The following KIF6 variants were observed in gnomAD, a reference collection of about 807,000 sequenced individuals.
The protein encoded by KIF6 is kinesin-like protein KIF6.
Under a neutral mutation model 112.7 loss-of-function variants are expected in KIF6, and 106 were observed. The observed-to-expected ratio is 0.94, with a 90% CI of 0.80 to 1.11. The LOEUF is 1.11. Among genes scored for constraint, KIF6 ranks in the 50% least tolerant of loss-of-function variants. The pLI is 0.00. For synonymous variants in KIF6, 339 were observed against 339.9 expected, an observed-to-expected ratio of 1.00 and a Z score of 0.03; for missense variants, 929 against 964.0, an observed-to-expected ratio of 0.96 and a Z score of 0.48.
chr6:39,615,407 T>C (rs1783462530), intron 5 of KIF6, among the ~76,000 whole-genome samples: 1 of 152,200 alleles, frequency 6.6e-6, no homozygotes, highest in African/African-American at 2.4e-5. Flanking sequence ...GGGCACTAAA[T>C]GTACGTCAGG....
Position 39,695,143 on chromosome 6 carries a change from C to CCT in KIF6, c.251+19547_251+19548dup, listed in dbSNP as rs552421037. Among the ~76,000 whole-genome samples the CCT allele has an allele frequency of 5.3e-5, 8 of 152,192 alleles. No individual in the cohort carries two copies. In the South Asian group the frequency reaches 1.5e-3, roughly 28 times the overall value. ...GAAAAAGAATCAAACTGGACCCCTA[C>CCT]CTCTCACCATATACAAAAATTAACT... On this transcript the variant is annotated intron_variant, in intron 3 of 22. Coordinates refer to ENST00000287152, the MANE Select transcript of KIF6 (RefSeq NM_145027.6).
In KIF6 at chr6:39,419,951, T is replaced by C; in HGVS notation, c.1807A>G (p.Ile603Val). 2 of 1,612,532 alleles carry C rather than the reference T, an allele frequency of 1.2e-6. No homozygotes were observed. Among genetic ancestry groups the C allele is most frequent in the South Asian group, 1.1e-5 (1 of 91,060 alleles). ...GESINEARSK[I>V]GHLKEEITQR... is the part of the protein sequence containing the mutation. ...TCACAGAATATCATCTGCTTACCAA[T>C]TTTACTTCTTGCTTCATTTATACTT... The change falls in exon 15 of 23, where the codon ATT becomes GTT. Residue 603 changes from isoleucine to valine, a missense_variant. By Grantham distance (29) the Ile-to-Val change is conservative. Transcript: ENST00000287152.
At chr6:39,633,223 G>C (rs1784446111) in intron 5 of KIF6, among the ~76,000 whole-genome samples, 1 of 152,082 alleles carries the variant, frequency 6.6e-6, no homozygotes, top group African/African-American at 2.4e-5. Context: ...TGTAGAGGGA[G>C]AAGAACAGAG....
At chr6:39,705,971 G>T (rs1029927249) in intron 3 of KIF6, among the ~76,000 whole-genome samples, 9 of 152,160 alleles carry the variant, frequency 5.9e-5, no homozygotes, top group African/African-American at 2.2e-4. Context: ...CTTAAGAGAT[G>T]TCTCTTCATG....
At chr6:39,698,848 T>C (rs146999682) in intron 3 of KIF6, among the ~76,000 whole-genome samples, 282 of 152,342 alleles carry the variant, frequency 1.9e-3, no homozygotes, top group African/African-American at 6.3e-3. Context: ...ATTCAGTGCA[T>C]GGCTCTATAA....
At chr6:39,568,796 C>T (rs548355704) in intron 10 of KIF6, among the ~76,000 whole-genome samples, 2 of 152,228 alleles carry the variant, frequency 1.3e-5, no homozygotes, top group Admixed American at 6.5e-5. Context: ...GGTGATCCAC[C>T]TGCGTCAGCC....
intron 12 of KIF6, among the ~76,000 whole-genome samples, chr6:39,543,305 G>GT (rs1778892572): frequency 2.0e-5 from 3 of 152,150 alleles, no homozygotes; most frequent in Admixed American, 2.0e-4. Context: ...GATGGATGGT[G>GT]TAAGAGGAAG....
chr6:39,544,569 C>G lies in KIF6; in HGVS notation c.1412G>C (p.Arg471Thr). 6.2e-7 allele frequency: 1 copy of G among 1,612,026 alleles called. No homozygotes were observed. The highest frequency in any genetic ancestry group is 1.1e-5 in the South Asian group (1 of 90,612). ...YRKLRDILKQ[R>T]DNEINILVNM... ...AGAAAGGATACTGATTTCGTTATCT[C>G]TCTGTTTCAGAATATCTCGTAGCTT... Residue 471 changes from arginine to threonine, a missense_variant, in exon 12 of 23, where the codon AGA (arginine) becomes ACA (threonine). Physicochemically the swap from Arg to Thr is moderately conservative, Grantham distance 71. Around this residue, in one of 2 missense-constraint regions of KIF6, gnomAD observed 688 missense variants for 662.7 expected, o/e 1.04. Coordinates refer to ENST00000287152, the MANE Select transcript of KIF6 (RefSeq NM_145027.6).
At chr6:39,522,647 G>T (rs1171458571) in intron 13 of KIF6, among the ~76,000 whole-genome samples, 2 of 152,138 alleles carry the variant, frequency 1.3e-5, no homozygotes, top group Non-Finnish European at 2.9e-5. Context: ...CAGATTCCTT[G>T]AAGTTCTCAT....
chr6:39,450,412 T>C (rs1772613285), intron 13 of KIF6, among the ~76,000 whole-genome samples: 1 of 152,216 alleles, frequency 6.6e-6, no homozygotes, highest in African/African-American at 2.4e-5. Context: ...CATCTATGCC[T>C]GAGGAGGTAA....
At chr6:39,611,799 C>T (rs1582268357) in intron 6 of KIF6, among the ~76,000 whole-genome samples, 1 of 152,228 alleles carries the variant, frequency 6.6e-6, no homozygotes, top group Middle Eastern at 3.4e-3. Context: ...TCATCATACG[C>T]CCAAATTCTT....
intron 15 of KIF6, among the ~76,000 whole-genome samples, chr6:39,415,474 G>A (rs1365965298): frequency 6.6e-6 from 1 of 152,196 alleles, no homozygotes; most frequent in Admixed American, 6.5e-5. Flanking sequence ...CATAGGTCAA[G>A]TTCTCAGGCC....
intron 13 of KIF6, among the ~76,000 whole-genome samples, chr6:39,455,051 T>C (rs1772972870): frequency 6.7e-6 from 1 of 149,880 alleles, no homozygotes; most frequent in African/African-American, 2.4e-5. Flanking sequence ...CTCTGTAGGC[T>C]CCACCTCTGG....
intron 14 of KIF6, among the ~76,000 whole-genome samples, chr6:39,422,179 A>C (rs1025959531): frequency 1.1e-4 from 16 of 152,210 alleles, no homozygotes; most frequent in African/African-American, 3.4e-4. Context: ...AGGAAACCAG[A>C]GTACAGATAG....
At chr6:39,420,509 C>T (rs537460787) in intron 14 of KIF6, among the ~76,000 whole-genome samples, 39 of 152,326 alleles carry the variant, frequency 2.6e-4, no homozygotes, top group Non-Finnish European at 4.9e-4. Flanking sequence ...GACGCATTTT[C>T]TGTGGCTGCT....
At chr6:39,514,291 T>C (rs1776942765) in intron 13 of KIF6, among the ~76,000 whole-genome samples, 1 of 152,214 alleles carries the variant, frequency 6.6e-6, no homozygotes. Flanking sequence ...AGCTTTATTG[T>C]TATTAGTGTT....
At chr6:39,555,751 G>C (rs1779670375) in intron 10 of KIF6, among the ~76,000 whole-genome samples, 1 of 151,992 alleles carries the variant, frequency 6.6e-6, no homozygotes, top group Non-Finnish European at 1.5e-5. Flanking sequence ...TCAGGTGTTT[G>C]AGACCAGCCT....
chr6:39,614,835 A>G (rs1234727897), intron 5 of KIF6, among the ~76,000 whole-genome samples: 2 of 152,190 alleles, frequency 1.3e-5, no homozygotes, highest in African/African-American at 4.8e-5. Context: ...TTTATTCCTT[A>G]AACTTTATTT....
At chr6:39,578,415 C>T (rs1384031587) in intron 9 of KIF6, among the ~76,000 whole-genome samples, 1 of 150,120 alleles carries the variant, frequency 6.7e-6, no homozygotes, top group Non-Finnish European at 1.5e-5. Flanking sequence ...TCACTGCAAC[C>T]TCCGCCTCCC....
Sources: gnomAD v4.1 joint callset for allele counts (sites outside exome capture counted in the v4.1 genomes callset) on GRCh38, gnomAD v4.1.1 for gene constraint, gnomAD v4.1.1 regional missense constraint, MANE v1.5 for transcripts, NCBI Gene and HGNC (gene_info 2026-07-23, HGNC 2026-07-21) for gene names.